The following XKR9 variants were observed in gnomAD, a reference collection of about 807,000 sequenced individuals.
XKR9 encodes the protein XK-related protein 9.
A neutral mutation model predicts 32.0 loss-of-function variants in XKR9; 32 were observed. The ratio of observed to expected loss-of-function variants is 1.00; its 90% CI spans 0.76 to 1.34. The LOEUF (loss-of-function observed/expected upper bound fraction) is 1.34, where lower values mean the gene tolerates loss of function less well. Among genes scored for constraint, XKR9 ranks in the 40% most tolerant of loss-of-function variants. The pLI, the probability that XKR9 is intolerant of heterozygous loss-of-function variation, is 0.00. For synonymous variants in XKR9, 168 were observed against 143.4 expected, an observed-to-expected ratio of 1.17 and a Z score of -1.22; for missense variants, 546 against 429.7, an observed-to-expected ratio of 1.27 and a Z score of -2.39.
chr8:70,775,459 T>C (rs1364273209), intron 2 of XKR9, among the ~76,000 whole-genome samples: 1 of 152,108 alleles, frequency 6.6e-6, no homozygotes, highest in Admixed American at 6.6e-5. Flanking sequence ...ATTTAGTAGA[T>C]ACTCTTTCTC....
At chr8:70,760,439 A>G (rs1423167068) in intron 2 of XKR9, among the ~76,000 whole-genome samples, 5 of 152,176 alleles carry the variant, frequency 3.3e-5, no homozygotes, top group African/African-American at 1.2e-4. Flanking sequence ...GCAGTTTGTG[A>G]GGCATTATTT....
chr8:71,056,223 G>A, the XKR9 span, among the ~76,000 whole-genome samples: 2 of 151,778 alleles, frequency 1.3e-5, no homozygotes, highest in African/African-American at 4.8e-5. Flanking sequence ...TAACAATGAA[G>A]GTAATGTGGG....
intron 4 of XKR9, among the ~76,000 whole-genome samples, chr8:70,722,810 A>G (rs778540874): frequency 6.6e-6 from 1 of 151,376 alleles, no homozygotes; most frequent in Non-Finnish European, 1.5e-5. Context: ...TTAGGGGTAT[A>G]CTCTGTATTT....
At chr8:70,738,155 T>C (rs541574912), downstream of XKR9, among the ~76,000 whole-genome samples, 3 of 134,130 alleles carry the variant, frequency 2.2e-5, no homozygotes, top group East Asian at 1.9e-4. Flanking sequence ...GATCCTGTTA[T>C]TGGTCTATTC....
At chr8:71,030,081 G>C in the XKR9 span, among the ~76,000 whole-genome samples, 1 of 152,012 alleles carries the variant, frequency 6.6e-6, no homozygotes, top group South Asian at 2.1e-4. Context: ...ACCTAAGCCA[G>C]GAATCCCTCT....
the XKR9 span, among the ~76,000 whole-genome samples, chr8:70,812,184 C>A: frequency 6.6e-5 from 10 of 152,268 alleles, no homozygotes; most frequent in South Asian, 2.1e-3. Flanking sequence ...GAACCAAAGA[C>A]AAAAACCACA....
chr8:71,053,343 T>C, the XKR9 span, among the ~76,000 whole-genome samples: 1 of 152,200 alleles, frequency 6.6e-6, no homozygotes, highest in Non-Finnish European at 1.5e-5. Flanking sequence ...AAGTCAATGA[T>C]TCTTCAGAAG....
the XKR9 span, among the ~76,000 whole-genome samples, chr8:70,899,649 T>G: frequency 2.6e-5 from 4 of 152,064 alleles, no homozygotes; most frequent in African/African-American, 9.7e-5. Flanking sequence ...ATGTCCAGAG[T>G]TCTTAGTTGC....
At chr8:70,977,194 C>G in the XKR9 span, among the ~76,000 whole-genome samples, 2 of 152,068 alleles carry the variant, frequency 1.3e-5, no homozygotes, top group Non-Finnish European at 2.9e-5. Flanking sequence ...AAACCAGATC[C>G]TAGATTCATT....
intron 1 of XKR9, among the ~76,000 whole-genome samples, chr8:70,673,689 C>G (rs193182432): frequency 6.6e-6 from 1 of 151,970 alleles, no homozygotes; most frequent in African/African-American, 2.4e-5. Context: ...CACTTGAACC[C>G]AGGAGGCGGA....
chr8:70,981,828 G>T, the XKR9 span, among the ~76,000 whole-genome samples: 1 of 152,178 alleles, frequency 6.6e-6, no homozygotes, highest in African/African-American at 2.4e-5. Flanking sequence ...TTGTCCCATA[G>T]GGTGCTCCTT....
At chr8:71,023,369 A>G in the XKR9 span, among the ~76,000 whole-genome samples, 253 of 152,312 alleles carry the variant, frequency 1.7e-3, 4 homozygotes, top group Non-Finnish European at 2.1e-4. Flanking sequence ...TTCTTTGGCT[A>G]TAAACACCAT....
the XKR9 span, among the ~76,000 whole-genome samples, chr8:70,797,175 T>A: frequency 0.086 from 13,139 of 152,230 alleles, 1,154 homozygotes; most frequent in East Asian, 0.27. Flanking sequence ...GCAAGGATTT[T>A]AAAAAATGAG....
At chr8:70,982,830 C>G in the XKR9 span, among the ~76,000 whole-genome samples, 2 of 152,222 alleles carry the variant, frequency 1.3e-5, no homozygotes, top group Non-Finnish European at 2.9e-5. Flanking sequence ...TATCTGCCAT[C>G]TTAATCTGAA....
chr8:70,966,723 A>C, the XKR9 span, among the ~76,000 whole-genome samples: 2 of 152,198 alleles, frequency 1.3e-5, no homozygotes, highest in South Asian at 2.1e-4. Context: ...GTGGGGTGTT[A>C]AAGTCTCCCA....
chr8:70,944,446 A>T, the XKR9 span, among the ~76,000 whole-genome samples: 3 of 152,224 alleles, frequency 2.0e-5, no homozygotes, highest in African/African-American at 7.2e-5. Context: ...TGAGGGGAAA[A>T]ATTACCAAGA....
chr8:71,033,206 T>G, the XKR9 span, among the ~76,000 whole-genome samples: 1 of 152,134 alleles, frequency 6.6e-6, no homozygotes, highest in African/African-American at 2.4e-5. Flanking sequence ...TCAGACCGCC[T>G]GGGTTCAAAT....
the XKR9 span, among the ~76,000 whole-genome samples, chr8:71,058,680 C>A: frequency 7.2e-5 from 11 of 152,134 alleles, no homozygotes; most frequent in African/African-American, 2.7e-4. Context: ...GGCCCTAATC[C>A]AATTCTATCA....
At chr8:70,785,744 TATA>T (rs1393228809) in intron 2 of XKR9, among the ~76,000 whole-genome samples, 3 of 111,434 alleles carry the variant, frequency 2.7e-5, no homozygotes, top group Non-Finnish European at 6.4e-5. Context: ...TCTCTCTATA[TATA>T]TATATATATG....
Sources: gnomAD v4.1 joint callset for allele counts (sites outside exome capture counted in the v4.1 genomes callset) on GRCh38, gnomAD v4.1.1 for gene constraint, MANE v1.5 for transcripts, NCBI Gene and HGNC (gene_info 2026-07-23, HGNC 2026-07-21) for gene names.